The following TLK1 variants were observed in gnomAD, a reference collection of about 807,000 sequenced individuals.
TLK1 encodes tousled like kinase 1, also known as serine/threonine-protein kinase tousled-like 1.
In TLK1, 24 loss-of-function variants were observed where a neutral mutation model predicts 105.3. The ratio of observed to expected loss-of-function variants is 0.23; its 90% CI spans 0.17 to 0.32. The LOEUF is 0.32. Among genes scored for constraint, TLK1 ranks in the 10% least tolerant of loss-of-function variants. TLK1 has a pLI of 1.00. For synonymous variants in TLK1, 321 were observed against 310.4 expected (o/e 1.03, Z -0.36); for missense variants, 558 against 910.5 (o/e 0.61, Z 4.98).
chr2:171,128,080 T>C (rs1236521605), intron 1 of TLK1, among the ~76,000 whole-genome samples: 1 of 152,182 alleles, frequency 6.6e-6, no homozygotes, highest in African/African-American at 2.4e-5. Flanking sequence ...CTAATCTTTT[T>C]AATATAATTG....
At chr2:171,135,424 T>G (rs1199241722) in intron 1 of TLK1, among the ~76,000 whole-genome samples, 1 of 151,924 alleles carries the variant, frequency 6.6e-6, no homozygotes, top group African/African-American at 2.4e-5. Flanking sequence ...AGGCATAGTG[T>G]CTGGAGGCTG....
At chr2:171,010,304 C>CA (rs891364404) in intron 14 of TLK1, among the ~76,000 whole-genome samples, 4 of 152,018 alleles carry the variant, frequency 2.6e-5, no homozygotes, top group Admixed American at 2.0e-4. Flanking sequence ...AGATGAATGG[C>CA]AATGTTATAT....
chr2:171,201,048 A>G (rs1435750588), intron 1 of TLK1, among the ~76,000 whole-genome samples: 1 of 151,832 alleles, frequency 6.6e-6, no homozygotes, highest in African/African-American at 2.4e-5. Flanking sequence ...TGCCCAGCTA[A>G]GTTTTTTGTA....
rs776459823 is a variant in TLK1 at position 171,006,458 on chromosome 2, C to CA, written c.1768+15dup. On this transcript the variant is annotated intron_variant, in intron 17 of 20. Transcript: ENST00000431350. ...ATACTCAAGTTTAAAAAAAATTAGA[C>CA]AAATTTCATAATTACCTGGCTTAAG... 6.4e-7 allele frequency: 1 copy of CA among 1,554,168 alleles called. No individual in the cohort carries two copies. Among genetic ancestry groups the CA allele is most frequent in the Non-Finnish European group, 8.7e-7 (1 of 1,155,706 alleles).
rs114961209 is a variant in TLK1, at chr2:171,093,452, T to C, written c.259-10600A>G. On this transcript the variant is annotated intron_variant, in intron 2 of 20. Transcript: ENST00000431350. ...ATGCATCTGATGAAAAGAAAGGGCATATGGGCATCTGAAACAAAGTGAACT... is the reference window on the plus strand; with the variant it reads ...ATGCATCTGATGAAAAGAAAGGGCACATGGGCATCTGAAACAAAGTGAACT... 1.1e-4 allele frequency among the ~76,000 whole-genome samples: 17 copies of C among 152,192 alleles called. No individual in the cohort carries two copies. In the South Asian group the frequency reaches 1.5e-3, roughly 13 times the overall value.
At chr2:171,193,699 C>CCT (rs1558986605) in intron 1 of TLK1, among the ~76,000 whole-genome samples, 1 of 103,226 alleles carries the variant, frequency 9.7e-6, no homozygotes, top group African/African-American at 4.0e-5. Context: ...CAGCGCCTGG[C>CCT]ATTTTTTTTT....
At chr2:171,009,244 G>C in intron 14 of TLK1, among the ~76,000 whole-genome samples, 1 of 149,464 alleles carries the variant, frequency 6.7e-6, no homozygotes, top group South Asian at 2.1e-4. Context: ...AAGCAGAAAC[G>C]AGAAGGGTGT....
At chr2:171,005,564 C>A (rs1179620388) in intron 18 of TLK1, among the ~76,000 whole-genome samples, 1 of 152,118 alleles carries the variant, frequency 6.6e-6, no homozygotes, top group Non-Finnish European at 1.5e-5. Flanking sequence ...AAATTAAGAC[C>A]TGGTCTCTAC....
intron 12 of TLK1, among the ~76,000 whole-genome samples, chr2:171,022,092 C>CACACACACAGACACACAG (rs149075161): frequency 6.8e-6 from 1 of 147,996 alleles, no homozygotes; most frequent in South Asian, 2.2e-4. Flanking sequence ...GAAAAACACA[C>CACACACACAGACACACAG]ACACACACAC....
intron 3 of TLK1, among the ~76,000 whole-genome samples, chr2:171,067,147 T>A (rs1347038736): frequency 6.9e-6 from 1 of 145,930 alleles, no homozygotes; most frequent in East Asian, 2.2e-4. Context: ...TATCACAGAA[T>A]ATGTGCACTT....
chr2:171,128,674 C>T (rs1272736911), intron 1 of TLK1, among the ~76,000 whole-genome samples: 1 of 152,098 alleles, frequency 6.6e-6, no homozygotes, highest in Non-Finnish European at 1.5e-5. Flanking sequence ...AACCAAGTTC[C>T]TCTTCCTCTA....
chr2:171,060,377 C>G (rs1157559959), intron 4 of TLK1, among the ~76,000 whole-genome samples: 5 of 152,090 alleles, frequency 3.3e-5, no homozygotes, highest in African/African-American at 1.2e-4. Context: ...AATGACTTAC[C>G]CTTCCTTCCA....
At chr2:171,105,567 T>C (rs965245691) in intron 2 of TLK1, among the ~76,000 whole-genome samples, 1 of 151,990 alleles carries the variant, frequency 6.6e-6, no homozygotes, top group African/African-American at 2.4e-5. Context: ...GCGCCTGTAG[T>C]CCCAGCTACT....
chr2:171,165,897 G>A (rs1215300767), intron 1 of TLK1, among the ~76,000 whole-genome samples: 1 of 152,030 alleles, frequency 6.6e-6, no homozygotes, highest in Non-Finnish European at 1.5e-5. Context: ...GGCAACAGAG[G>A]GAGACCCCAT....
intron 3 of TLK1, 73 bp from the exon 4 acceptor site, chr2:171,061,229 C>A (rs1249717502): frequency 1.3e-6 from 2 of 1,506,734 alleles, no homozygotes; most frequent in Non-Finnish European, 1.8e-6. Context: ...AACATAAAAC[C>A]ATGTTTCGAG....
At chr2:171,230,380 T>G (rs1344118455) in intron 1 of TLK1, among the ~76,000 whole-genome samples, 2 of 152,198 alleles carry the variant, frequency 1.3e-5, no homozygotes, top group African/African-American at 4.8e-5. Flanking sequence ...ATTAGAGTCA[T>G]AAGACTTTTA....
intron 2 of TLK1, among the ~76,000 whole-genome samples, chr2:171,095,063 G>GA (rs956534634): frequency 6.6e-6 from 1 of 151,924 alleles, no homozygotes; most frequent in South Asian, 2.1e-4. Flanking sequence ...AAGGAAATTA[G>GA]AAAAAAACTT....
intron 10 of TLK1, among the ~76,000 whole-genome samples, chr2:171,049,078 G>A (rs1687104040): frequency 6.6e-6 from 1 of 152,122 alleles, no homozygotes; most frequent in African/African-American, 2.4e-5. Flanking sequence ...GCTAAACATT[G>A]GAGACACATG....
intron 1 of TLK1, among the ~76,000 whole-genome samples, chr2:171,148,505 G>C (rs984187319): frequency 4.6e-5 from 7 of 151,948 alleles, no homozygotes; most frequent in African/African-American, 1.7e-4. Context: ...ATATTATGGA[G>C]TCATTGCAAA....
Sources: gnomAD v4.1 joint callset for allele counts (sites outside exome capture counted in the v4.1 genomes callset) on GRCh38, gnomAD v4.1.1 for gene constraint, MANE v1.5 for transcripts, NCBI Gene and HGNC (gene_info 2026-07-23, HGNC 2026-07-21) for gene names.